Variants in AGBL1 observed in about 807,000 individuals in gnomAD.
The protein encoded by AGBL1 is AGBL carboxypeptidase 1, also known as cytosolic carboxypeptidase 4.
AGBL1 carries 130 observed loss-of-function variants against 118.9 expected under a neutral mutation model. The observed-to-expected ratio is 1.09, with a 90% CI of 0.95 to 1.26. The LOEUF (loss-of-function observed/expected upper bound fraction) is 1.26, where lower values mean the gene tolerates loss of function less well. Ranked by LOEUF, AGBL1 falls within the 50% of genes most tolerant of loss-of-function variation. The pLI is 0.00. For missense variants in AGBL1, 1,584 were observed against 1,298.1 expected (o/e 1.22, Z -3.38); for synonymous variants, 555 against 478.9 (o/e 1.16, Z -2.08).
intron 17 of AGBL1, among the ~76,000 whole-genome samples, chr15:86,390,895 C>G (rs572735287): frequency 6.6e-6 from 1 of 151,748 alleles, no homozygotes; most frequent in East Asian, 1.9e-4. Flanking sequence ...GTCTTGAAAT[C>G]CTGACCTCAG....
chr15:86,955,403 A>G (rs1424752854), intron 23 of AGBL1, among the ~76,000 whole-genome samples: 1 of 152,118 alleles, frequency 6.6e-6, no homozygotes, highest in East Asian at 1.9e-4. Flanking sequence ...ATCAGAAAAC[A>G]AATCAGTTCT....
At chr15:87,013,624 C>A (rs2081583221) in intron 24 of AGBL1, among the ~76,000 whole-genome samples, 1 of 151,782 alleles carries the variant, frequency 6.6e-6, no homozygotes, top group Admixed American at 6.6e-5. Flanking sequence ...GATCTTGTGA[C>A]AATTATTAGA....
At chr15:86,722,973 A>C (rs967133156) in intron 22 of AGBL1, among the ~76,000 whole-genome samples, 1 of 149,936 alleles carries the variant, frequency 6.7e-6, no homozygotes, top group African/African-American at 2.5e-5. Flanking sequence ...CCCACCAGTT[A>C]GAATGGCCAT....
chr15:86,597,145 A>ATCCATCCATCCATCCATCCG (rs1296497051), intron 21 of AGBL1, among the ~76,000 whole-genome samples: 16 of 151,310 alleles, frequency 1.1e-4, no homozygotes, highest in African/African-American at 3.9e-4. Flanking sequence ...CCATCCATCC[A>ATCCATCCATCCATCCATCCG]TCCATCCATC....
intron 16 of AGBL1, among the ~76,000 whole-genome samples, chr15:86,285,095 C>G (rs2079420423): frequency 6.6e-6 from 1 of 152,072 alleles, no homozygotes; most frequent in African/African-American, 2.4e-5. Context: ...CTTTTCTGGA[C>G]CAGAGATGGG....
intron 18 of AGBL1, among the ~76,000 whole-genome samples, chr15:86,398,575 G>C (rs372583436): frequency 2.6e-5 from 4 of 152,050 alleles, no homozygotes; most frequent in African/African-American, 9.6e-5. Flanking sequence ...ATTGTTAAAT[G>C]AAAGAGACAA....
chr15:86,565,944 A>C (rs4887482), intron 21 of AGBL1, among the ~76,000 whole-genome samples: 1 of 152,038 alleles, frequency 6.6e-6, no homozygotes, highest in Non-Finnish European at 1.5e-5. Flanking sequence ...CGCGGGATAT[A>C]ATCTCCTAGC....
At chr15:86,551,472 C>A (rs2083662415) in intron 20 of AGBL1, among the ~76,000 whole-genome samples, 2 of 152,102 alleles carry the variant, frequency 1.3e-5, no homozygotes, top group South Asian at 4.1e-4. Context: ...TGAATACATT[C>A]TTAGGAGAAC....
intron 5 of AGBL1, among the ~76,000 whole-genome samples, chr15:86,162,419 C>T (rs904017202): frequency 6.6e-6 from 1 of 152,160 alleles, no homozygotes; most frequent in Non-Finnish European, 1.5e-5. Flanking sequence ...GAAGCTCTGT[C>T]TCCAGATAGT....
At chr15:86,635,687 A>G (rs1473120750) in intron 21 of AGBL1, among the ~76,000 whole-genome samples, 4 of 152,106 alleles carry the variant, frequency 2.6e-5, no homozygotes, top group Non-Finnish European at 5.9e-5. Context: ...GTTCCTCTAT[A>G]AGAAAAAGAT....
intron 17 of AGBL1, among the ~76,000 whole-genome samples, chr15:86,297,578 C>T (rs1201773491): frequency 1.3e-5 from 2 of 152,184 alleles, no homozygotes. Flanking sequence ...GTGGCAAAGG[C>T]CAGTGCCTTT....
At chr15:86,271,918 G>C (rs115544714) in intron 15 of AGBL1, among the ~76,000 whole-genome samples, 1,584 of 152,260 alleles carry the variant, frequency 0.01, 30 homozygotes, top group African/African-American at 0.035. Context: ...CTTTTGATTG[G>C]CTGAAAGAGT....
chr15:86,101,475 C>T (rs1292447367), intron 1 of AGBL1, among the ~76,000 whole-genome samples: 1 of 151,798 alleles, frequency 6.6e-6, no homozygotes, highest in African/African-American at 2.4e-5. Context: ...GTGCTGAAGT[C>T]CCCAACTATT....
At chr15:86,463,415 T>C (rs914510577) in intron 18 of AGBL1, among the ~76,000 whole-genome samples, 28 of 152,192 alleles carry the variant, frequency 1.8e-4, no homozygotes, top group South Asian at 4.1e-4. Context: ...TGATAGTTTC[T>C]TTTGCTGTGC....
intron 18 of AGBL1, among the ~76,000 whole-genome samples, chr15:86,522,271 G>A (rs1194890468): frequency 6.6e-6 from 1 of 152,134 alleles, no homozygotes; most frequent in African/African-American, 2.4e-5. Flanking sequence ...AGAGAGAACA[G>A]GGTTAGAAGC....
At chr15:86,899,795 T>C (rs1351079141) in intron 22 of AGBL1, among the ~76,000 whole-genome samples, 3 of 152,104 alleles carry the variant, frequency 2.0e-5, no homozygotes, top group African/African-American at 7.2e-5. Context: ...GTGATGCATA[T>C]TGTGAGTGTT....
At chr15:86,210,982 G>C (rs144524752) in intron 5 of AGBL1, among the ~76,000 whole-genome samples, 1 of 152,294 alleles carries the variant, frequency 6.6e-6, no homozygotes, top group African/African-American at 2.4e-5. Context: ...TGATGCTGGT[G>C]ACCTACAGAT....
chr15:86,710,895 A>G (rs536559821), intron 22 of AGBL1, among the ~76,000 whole-genome samples: 17 of 152,278 alleles, frequency 1.1e-4, no homozygotes, highest in African/African-American at 4.1e-4. Context: ...TGAAACCTCA[A>G]ATTTTGGATC....
intron 22 of AGBL1, among the ~76,000 whole-genome samples, chr15:86,752,487 G>A (rs536618822): frequency 4.6e-5 from 7 of 152,210 alleles, no homozygotes; most frequent in East Asian, 3.9e-4. Flanking sequence ...GTCTAGTGAT[G>A]TGGTGATAGG....
Sources: gnomAD v4.1 joint callset for allele counts (sites outside exome capture counted in the v4.1 genomes callset) on GRCh38, gnomAD v4.1.1 for gene constraint, MANE v1.5 for transcripts, NCBI Gene and HGNC (gene_info 2026-07-23, HGNC 2026-07-21) for gene names.